RANBP1: variants seen among roughly 807,000 people sequenced by gnomAD.
RANBP1 encodes ran-specific GTPase-activating protein.
A neutral mutation model predicts 31.4 loss-of-function variants in RANBP1; 16 were observed. The observed-to-expected ratio is 0.51, with a 90% confidence interval of 0.34 to 0.77. The LOEUF (loss-of-function observed/expected upper bound fraction) is 0.77, where lower values mean the gene tolerates loss of function less well. Among genes scored for constraint, RANBP1 ranks in the 30% least tolerant of loss-of-function variants. The probability of loss-of-function intolerance (pLI) is 0.01; values close to 1 mark genes in which losing one functional copy is unlikely to be tolerated. For missense variants in RANBP1, 265 were observed against 362.0 expected (o/e 0.73, Z 2.17); for synonymous variants, 129 against 140.5 (o/e 0.92, Z 0.58).
chr22:20,126,519 A>G, intron 5 of RANBP1, 151 bp downstream of exon 5: 2 of 1,586,392 alleles, frequency 1.3e-6, no homozygotes, highest in Non-Finnish European at 1.7e-6. Flanking sequence ...CTCCCTGGGG[A>G]CACAGGTGCT....
intron 3 of RANBP1, chr22:20,124,363 G>A (rs2050250464): frequency 6.6e-6 from 1 of 152,172 alleles, no homozygotes; most frequent in Admixed American, 6.6e-5. Context: ...AGGTGTCGAA[G>A]AGGCTGTGGG....
Position 20,127,003 on chromosome 22 carries a change from C to G in RANBP1, c.788C>G (p.Ala263Gly), listed in dbSNP as rs1297863457. ...GAAAAAGTGGCGGAAAAGCTAGAAG[C>G]TCTCTCGGTGAAGGAGGAGACCAAG... ...HAEKVAEKLE[A>G]LSVKEETKED... The change falls in exon 6 of 6, where the codon GCT (alanine) becomes GGT (glycine). Residue 263 changes from alanine to glycine, a missense_variant. By Grantham distance (60) the Ala-to-Gly change is moderately conservative (BLOSUM62 0). Transcript: ENST00000430524. The G allele has an allele frequency of 1.2e-6, 2 of 1,613,780 alleles. No individual in the cohort carries two copies. Among genetic ancestry groups the G allele is most frequent in the Non-Finnish European group, 1.7e-6 (2 of 1,179,880 alleles).
chr22:20,117,549 CCGGCGCCAGACGCGGAGGGAAGGAGCTA>C (rs1469796776), intron 1 of RANBP1: 1 of 1,399,178 alleles, frequency 7.1e-7, no homozygotes, highest in African/African-American at 1.5e-5. Context: ...GCGGGAGGCG[CCGGCGCCAGACGCGGAGGGAAGGAGCTA>C]CGAGTAGCCG....
intron 4 of RANBP1, chr22:20,125,714 C>A: frequency 1.6e-6 from 2 of 1,271,902 alleles, no homozygotes; most frequent in South Asian, 1.5e-5. Flanking sequence ...GCTCTCCAAG[C>A]TCCGGTTCCC....
intron 5 of RANBP1, 83 bp downstream of exon 5, chr22:20,126,451 T>C (rs766073994): frequency 1.2e-5 from 20 of 1,609,308 alleles, no homozygotes; most frequent in Non-Finnish European, 1.6e-5. Flanking sequence ...GCTTTTTCTG[T>C]CTGCCAGATA....
chr22:20,123,250 G>A (rs1290347972), intron 3 of RANBP1, among the ~76,000 whole-genome samples: 2 of 135,816 alleles, frequency 1.5e-5, no homozygotes, highest in African/African-American at 2.8e-5. Flanking sequence ...TGGTATCCGG[G>A]GTGTGTGTAG....
intron 2 of RANBP1, among the ~76,000 whole-genome samples, chr22:20,120,735 C>T (rs2050153514): frequency 6.6e-6 from 1 of 152,204 alleles, no homozygotes; most frequent in African/African-American, 2.4e-5. Context: ...TTCTCTGGGT[C>T]ATCTGACCTC....
chr22:20,116,835 T>G (rs1485855106), intron 1 of RANBP1: 452 of 661,144 alleles, frequency 6.8e-4, no homozygotes, highest in Non-Finnish European at 9.1e-4. Flanking sequence ...CCACCCCGCC[T>G]CCTCCCACCC....
intron 3 of RANBP1, chr22:20,124,075 C>T (rs889130984): frequency 6.6e-6 from 1 of 152,658 alleles, no homozygotes; most frequent in Non-Finnish European, 1.5e-5. Flanking sequence ...GGTTCCCCTC[C>T]CTCCCTGCTC....
At chr22:20,116,895 G>A (rs1439402493) in intron 1 of RANBP1, 1 of 1,604,940 alleles carries the variant, frequency 6.2e-7, no homozygotes. Context: ...CGTTGTCGAG[G>A]TTCTCACTCA....
intron 5 of RANBP1, 133 bp from the exon 6 acceptor site, chr22:20,126,818 GC>G: frequency 7.3e-7 from 1 of 1,371,702 alleles, no homozygotes; most frequent in Non-Finnish European, 1.0e-6. Context: ...AGGCGGCTTG[GC>G]CAGGCAGGAG....
At chr22:20,119,562 C>G (rs746365957) in intron 2 of RANBP1, 1 of 190,662 alleles carries the variant, frequency 5.2e-6, no homozygotes, top group African/African-American at 2.4e-5. Flanking sequence ...GAGTCTCGCT[C>G]TGTCGCCCAG....
chr22:20,127,075 TC>T lies in RANBP1; in HGVS notation c.*25del. ...TAAATCGTCTTATTTTATTTTCTTTTCCTCTCTTTCCTTTCCTTTTTTTAAA... is the reference window on the plus strand; with the variant it reads ...TAAATCGTCTTATTTTATTTTCTTTTCTCTCTTTCCTTTCCTTTTTTTAAA... On this transcript the variant is annotated 3_prime_UTR_variant, in exon 6 of 6. Coordinates refer to ENST00000430524, the MANE Select transcript of RANBP1 (RefSeq NM_001278639.2). 6.4e-7 allele frequency: 1 copy of T among 1,568,918 alleles called. No homozygotes were observed. The highest frequency in any genetic ancestry group is 2.3e-5 in the East Asian group (1 of 44,340).
At chr22:20,122,239 CTT>C (rs1273828266) in intron 2 of RANBP1, 23 bp from the exon 3 acceptor site, 7 of 1,610,386 alleles carry the variant, frequency 4.3e-6, no homozygotes, top group Non-Finnish European at 5.1e-6. Flanking sequence ...GGTCTGCACT[CTT>C]AACCTCACGG....
intron 1 of RANBP1, chr22:20,118,255 T>C: frequency 2.0e-6 from 2 of 1,002,544 alleles, no homozygotes; most frequent in Non-Finnish European, 2.4e-6. Context: ...ATGTTTTCTT[T>C]TCCAGTTTGA....
intron 5 of RANBP1, 199 bp downstream of exon 5, chr22:20,126,567 C>T (rs769112071): frequency 1.2e-5 from 19 of 1,553,858 alleles, no homozygotes; most frequent in Non-Finnish European, 1.7e-5. Context: ...TGTTGCTGGC[C>T]TCAGTCCAAT....
intron 3 of RANBP1, 143 bp from the exon 4 acceptor site, chr22:20,125,165 G>T (rs565652493): frequency 3.4e-6 from 3 of 875,078 alleles, no homozygotes; most frequent in African/African-American, 3.4e-5. Context: ...CTTTGTCTAA[G>T]CCTGGTTCTC....
Position 20,127,079 on chromosome 22 carries a change from C to CT in RANBP1, c.*28dup. On this transcript the variant is annotated 3_prime_UTR_variant, in exon 6 of 6. Coordinates refer to ENST00000430524, the MANE Select transcript of RANBP1 (RefSeq NM_001278639.2). ...TCGTCTTATTTTATTTTCTTTTCCT[C>CT]TCTTTCCTTTCCTTTTTTTAAAAAA... 6.4e-7 allele frequency: 1 copy of CT among 1,565,706 alleles called. No homozygotes were observed. Among genetic ancestry groups the CT allele is most frequent in the Middle Eastern group, 2.2e-4 (1 of 4,488 alleles).
chr22:20,118,606 C>T (rs1041740241), intron 1 of RANBP1, among the ~76,000 whole-genome samples: 3 of 152,222 alleles, frequency 2.0e-5, no homozygotes, highest in Non-Finnish European at 4.4e-5. Context: ...TTCGACCCAT[C>T]ATTGTGTCCT....
Sources: allele counts gnomAD v4.1 joint callset (sites outside exome capture counted in the v4.1 genomes callset), GRCh38; gene constraint gnomAD v4.1.1; transcripts MANE v1.5; gene names NCBI Gene and HGNC (gene_info 2026-07-23, HGNC 2026-07-21).